The following FBXL18 variants were observed in gnomAD, a reference collection of about 807,000 sequenced individuals.
FBXL18 encodes F-box/LRR-repeat protein 18.
In FBXL18, 36 loss-of-function variants were observed where a neutral mutation model predicts 46.0. The observed-to-expected ratio is 0.78, with a 90% CI of 0.60 to 1.03. FBXL18 has a LOEUF of 1.03. FBXL18 is among the 50% of genes least tolerant of loss of function. The pLI, the probability that FBXL18 is intolerant of heterozygous loss-of-function variation, is 0.00. For missense variants in FBXL18, 977 were observed against 1,004.1 expected, an observed-to-expected ratio of 0.97 and a Z score of 0.36; for synonymous variants, 557 against 465.3, an observed-to-expected ratio of 1.20 and a Z score of -2.54.
At chr7:5,460,735 G>A (rs1396835524) in intron 4 of FBXL18, among the ~76,000 whole-genome samples, 1 of 152,194 alleles carries the variant, frequency 6.6e-6, no homozygotes, top group East Asian at 1.9e-4. Context: ...TTACAGCCGT[G>A]AGCCACCATG....
chr7:5,474,812 A>G (rs1249373090), downstream of FBXL18, among the ~76,000 whole-genome samples: 1 of 150,592 alleles, frequency 6.6e-6, no homozygotes, highest in East Asian at 2.0e-4. Context: ...GGTTCAGGCC[A>G]TTCTCCTGCC....
At chr7:5,493,840 G>A (rs1783999265) in intron 3 of FBXL18, among the ~76,000 whole-genome samples, 1 of 151,786 alleles carries the variant, frequency 6.6e-6, no homozygotes, top group Admixed American at 6.6e-5. Flanking sequence ...ATTGATTTAA[G>A]CAGAAATTCT....
At chr7:5,498,157 G>A (rs867712544) in intron 3 of FBXL18, among the ~76,000 whole-genome samples, 2 of 147,174 alleles carry the variant, frequency 1.4e-5, no homozygotes, top group Non-Finnish European at 3.0e-5. Flanking sequence ...GCGCGATCTC[G>A]GCTCACTGCA....
chr7:5,505,984 C>T (rs13228598), intron 1 of FBXL18, among the ~76,000 whole-genome samples: 38,174 of 152,004 alleles, frequency 0.25, 5,028 homozygotes, highest in Middle Eastern at 0.3. Context: ...CCTGCCTCAG[C>T]CTCCCAAGCA....
intron 3 of FBXL18, among the ~76,000 whole-genome samples, chr7:5,491,764 C>G (rs1783932832): frequency 6.6e-6 from 1 of 152,200 alleles, no homozygotes. Flanking sequence ...CTGGTGCACC[C>G]CAATGACCCC....
intron 1 of FBXL18, among the ~76,000 whole-genome samples, chr7:5,507,072 C>A (rs765180216): frequency 6.6e-6 from 1 of 152,166 alleles, no homozygotes; most frequent in Non-Finnish European, 1.5e-5. Context: ...GTAAAGACCA[C>A]GCCGAGGAGA....
At chr7:5,469,779 G>A (rs906991743) in intron 4 of FBXL18, among the ~76,000 whole-genome samples, 9 of 151,974 alleles carry the variant, frequency 5.9e-5, no homozygotes, top group Non-Finnish European at 8.8e-5. Context: ...GGACTCAGGC[G>A]GTGTTTGTGG....
intron 1 of FBXL18, among the ~76,000 whole-genome samples, chr7:5,510,062 G>A (rs1478878617): frequency 6.6e-6 from 1 of 152,052 alleles, no homozygotes; most frequent in African/African-American, 2.4e-5. Flanking sequence ...AGCACTTTGG[G>A]AGGCTGAGGC....
At chr7:5,459,633 A>G (rs1018013464) in intron 4 of FBXL18, among the ~76,000 whole-genome samples, 9 of 151,834 alleles carry the variant, frequency 5.9e-5, no homozygotes, top group Non-Finnish European at 1.0e-4. Context: ...CCAGCTACTC[A>G]GGAGGCTGAG....
Position 5,463,793 on chromosome 7 carries a change from T to G in FBXL18, c.2001-15950A>C, listed in dbSNP as rs187608473. 5.1e-3 allele frequency among the ~76,000 whole-genome samples: 725 copies of G among 143,386 alleles called. 11 individuals carry two copies. The highest frequency in any genetic ancestry group is 0.018 in the African/African-American group (687 of 38,208). 94.1% of individuals were successfully genotyped at this position (143,386 alleles called of 152,430 possible). A position where few individuals can be genotyped will look rare whatever the true frequency, so the allele number is the denominator to read the frequency against. On this transcript the variant is annotated intron_variant and NMD_transcript_variant, in intron 4 of 6. Transcript: ENST00000415009. Reference sequence around the variant, plus strand: ...TCTCGCTCTGTCGCCCAGGCTTGAGTGCAGTAGTGCAGTCTCGGCTCACTA... The same window carrying G: ...TCTCGCTCTGTCGCCCAGGCTTGAGGGCAGTAGTGCAGTCTCGGCTCACTA...
rs767404348 is a variant in FBXL18 at position 5,491,275 on chromosome 7, C to T, written c.1956G>A (p.Glu652=). The T allele has an allele frequency of 6.2e-7, 1 of 1,613,254 alleles. No individual in the cohort carries two copies. The highest frequency in any genetic ancestry group is 1.1e-5 in the South Asian group (1 of 90,956). ...GCAGGCTCTTGCAGGTGGCGAGGGA[C>T]TCCCCGGTGAACAGGTGGCACATGA... ...QVVMCHLFTG[E]SLATCKSLQQ... The change falls in exon 4 of 5, where the codon GAG becomes GAA. Residue 652 remains glutamate, a synonymous_variant. Transcript: ENST00000382368.
At position 5,482,538 on chromosome 7, in the gene FBXL18, C is replaced by T. The variant is rs1011316775; in HGVS notation, c.2001-607G>A. 2.0e-5 allele frequency among the ~76,000 whole-genome samples: 3 copies of T among 150,906 alleles called. No individual in the cohort carries two copies. In the East Asian group the frequency reaches 5.9e-4, roughly 30 times the overall value. On this transcript the variant is annotated intron_variant, in intron 4 of 4. Transcript: ENST00000382368. ...ACCCCCAGGCGACCAGCCCCCGCCA[C>T]GCTGTGCACGAAAACTCATGCACAA...
In FBXL18 at chr7:5,501,878, G is replaced by A. The variant is rs1488847419; in HGVS notation, c.391C>T (p.Leu131Phe). ...ATCTTGGAGAGGCGCAGGGAAGTGAGGTGGCAGCCCGAGAGGTTCACCTTC... is the reference window on the plus strand; with the variant it reads ...ATCTTGGAGAGGCGCAGGGAAGTGAAGTGGCAGCCCGAGAGGTTCACCTTC... ...LVKVNLSGCH[L>F]TSLRLSKMLS... is the part of the protein sequence containing the mutation. The change falls in exon 3 of 5, where the codon CTC (leucine) becomes TTC (phenylalanine). Residue 131 changes from leucine to phenylalanine, a missense_variant. Physicochemically the swap from Leu to Phe is conservative, Grantham distance 22 (BLOSUM62 0). Transcript: ENST00000382368. 2 of 1,603,062 alleles carry A rather than the reference G, an allele frequency of 1.2e-6. No homozygotes were observed. Among genetic ancestry groups the A allele is most frequent in the South Asian group, 2.3e-5 (2 of 88,776 alleles).
intron 4 of FBXL18, among the ~76,000 whole-genome samples, chr7:5,487,445 C>T (rs1032078177): frequency 1.3e-5 from 2 of 152,222 alleles, no homozygotes; most frequent in Admixed American, 1.3e-4. Flanking sequence ...GATCCTGACA[C>T]AGCCTGCCCA....
chr7:5,497,539 G>A (rs1188011889), intron 3 of FBXL18, among the ~76,000 whole-genome samples: 1 of 152,212 alleles, frequency 6.6e-6, no homozygotes, highest in African/African-American at 2.4e-5. Context: ...GGAGGAGGTC[G>A]AGAGGGAGGG....
intron 3 of FBXL18, among the ~76,000 whole-genome samples, chr7:5,492,334 A>T (rs1161541468): frequency 6.6e-6 from 1 of 151,744 alleles, no homozygotes; most frequent in African/African-American, 2.4e-5. Flanking sequence ...TTGGAGAACC[A>T]GGCTGTGGGA....
rs761439580 is a variant in FBXL18, at chr7:5,481,879, C to G, written c.2053G>C (p.Glu685Gln). ...LNVVIFPLLH[E>Q]GLTDVIRDVP... ...TCCCGGATGACGTCGGTCAGGCCCT[C>G]GTGGAGCAGAGGGAAGATGACGACG... is the stretch of plus-strand genomic sequence containing the variant. The change falls in exon 5 of 5, where the codon GAG (glutamate) becomes CAG (glutamine). Residue 685 changes from glutamate to glutamine, a missense_variant. Physicochemically the swap from Glu to Gln is conservative, Grantham distance 29 (BLOSUM62 2). Transcript: ENST00000382368. 1 of 1,613,618 alleles carries G rather than the reference C, an allele frequency of 6.2e-7. No homozygotes were observed.
At chr7:5,473,598 C>T (rs1468608046), downstream of FBXL18, among the ~76,000 whole-genome samples, 1 of 150,014 alleles carries the variant, frequency 6.7e-6, no homozygotes, top group African/African-American at 2.5e-5. Flanking sequence ...CCCGTCTCTA[C>T]TAAAAATACA....
At chr7:5,458,949 C>A (rs1168440109) in intron 4 of FBXL18, among the ~76,000 whole-genome samples, 1 of 151,794 alleles carries the variant, frequency 6.6e-6, no homozygotes, top group East Asian at 1.9e-4. Flanking sequence ...GAGTTTGAGA[C>A]CAGCCTGGGC....
Sources: allele counts gnomAD v4.1 joint callset (sites outside exome capture counted in the v4.1 genomes callset), GRCh38; gene constraint gnomAD v4.1.1; transcripts MANE v1.5; gene names NCBI Gene and HGNC (gene_info 2026-07-23, HGNC 2026-07-21).